Variants in ABCA9 observed in about 807,000 individuals in gnomAD.
ABCA9 encodes ATP-binding cassette sub-family A member 9.
In ABCA9, 183 loss-of-function variants were observed where a neutral mutation model predicts 205.3. That is an observed-to-expected ratio of 0.89 (90% CI 0.79 to 1.01). ABCA9 has a LOEUF of 1.01. ABCA9 is among the 50% of genes least tolerant of loss of function. The pLI, the probability that ABCA9 is intolerant of heterozygous loss-of-function variation, is 0.00. For missense variants in ABCA9, 1,805 were observed against 1,912.4 expected (o/e 0.94, Z 1.05); for synonymous variants, 651 against 683.3 (o/e 0.95, Z 0.74).
intron 25 of ABCA9, 108 bp from the exon 26 acceptor site, chr17:68,996,122 A>T (rs2069616113): frequency 4.3e-6 from 5 of 1,153,836 alleles, no homozygotes; most frequent in Non-Finnish European, 6.1e-6. Flanking sequence ...TTTCAATTTC[A>T]CTCCCCAAAC....
Position 69,035,308 on chromosome 17 carries a change from C to T in ABCA9, c.1066G>A (p.Ala356Thr). 6.2e-7 allele frequency: 1 copy of T among 1,606,892 alleles called. No homozygotes were observed. Among genetic ancestry groups the T allele is most frequent in the Non-Finnish European group, 8.5e-7 (1 of 1,176,394 alleles). The change falls in exon 8 of 39, where the codon GCA becomes ACA. Residue 356 changes from alanine (A) to threonine (T), a missense_variant. By Grantham distance (58) the Ala-to-Thr change is moderately conservative. Transcript: ENST00000340001. ...GFPALYTRLPAFLEWTLCLLS... is the reference protein window; with the variant it reads ...GFPALYTRLPTFLEWTLCLLS... ...AGACACAAAGTCCATTCCAAAAATG[C>T]AGGAAGACGTGTATACAATGCTGGG... is the stretch of plus-strand genomic sequence containing the variant.
At chr17:69,028,687 T>C (rs761916877) in intron 11 of ABCA9, 42 bp from the exon 12 acceptor site, 4 of 1,255,028 alleles carry the variant, frequency 3.2e-6, no homozygotes, top group South Asian at 3.0e-5. Flanking sequence ...AGCCTACATA[T>C]TAACTTTACA....
intron 7 of ABCA9, 83 bp from the exon 8 acceptor site, chr17:69,035,514 T>C: frequency 3.0e-6 from 4 of 1,355,494 alleles, no homozygotes; most frequent in Non-Finnish European, 3.9e-6. Flanking sequence ...TATAAAAGTA[T>C]ATTTTATATT....
rs1202384063 is a variant in ABCA9, at chr17:68,975,079, C to CACTT, written c.*832_*835dup. On this transcript the variant is annotated 3_prime_UTR_variant, in exon 39 of 39. Transcript: ENST00000340001. ...CCATGTATTCTCATTGTTCAATTCC[C>CACTT]ACTTATGAGTGAGAACATGCGGTGT... The CACTT allele has an allele frequency of 1.3e-5, 2 of 152,124 alleles. No homozygotes were observed. The highest frequency in any genetic ancestry group is 4.8e-5 in the African/African-American group (2 of 41,398). The allele number at this position is 152,124 out of a possible 1,614,324, so 9.4% of individuals were successfully genotyped here.
Position 69,029,289 on chromosome 17 carries a change from A to T in ABCA9, c.1446-62T>A, listed in dbSNP as rs2071088522. The T allele has an allele frequency of 4.6e-6, 5 of 1,078,488 alleles. No individual in the cohort carries two copies. The East Asian group carries it at 1.0e-4, about 22-fold the overall frequency. The allele number at this position is 1,078,488 out of a possible 1,614,324, so 66.8% of individuals were successfully genotyped here. ...AAAATGTGCAGAGGATTGATAAGTC[A>T]AGTCTTTGAGGCTTAATCAAAGCCT... On this transcript the variant is annotated intron_variant, in intron 10 of 38. Transcript: ENST00000340001.
Position 68,989,840 on chromosome 17 carries a change from T to G in ABCA9, c.3928A>C (p.Arg1310=). The G allele has an allele frequency of 6.2e-7, 1 of 1,606,120 alleles. No individual in the cohort carries two copies. The highest frequency in any genetic ancestry group is 8.5e-7 in the Non-Finnish European group (1 of 1,172,920). ...TTTTTAACACAAAAAGAGACATTTC[T>G]TGTGGCAATTTTTTTCTTCCTTTTA... ...FSKRKKKIAT[R]NVSFCVKKGE... Residue 1310 remains arginine, a synonymous_variant, in exon 30 of 39, where the codon AGA becomes CGA. Coordinates refer to ENST00000340001, the MANE Select transcript of ABCA9 (RefSeq NM_080283.4).
the ABCA9 span, among the ~76,000 whole-genome samples, chr17:69,073,931 G>A: frequency 1.9e-4 from 29 of 152,154 alleles, no homozygotes; most frequent in African/African-American, 6.0e-4. Context: ...TGAACTCGTG[G>A]TCCCAAGTGA....
chr17:69,027,024 C>CTCT lies in ABCA9; in HGVS notation c.1999_2001dup (p.Arg667dup). 1.2e-6 allele frequency: 2 copies of CTCT among 1,614,148 alleles called. No individual in the cohort carries two copies. Among genetic ancestry groups the CTCT allele is most frequent in the Non-Finnish European group, 1.7e-6 (2 of 1,179,992 alleles). On this transcript the variant is annotated inframe_insertion, in exon 15 of 39. Coordinates refer to ENST00000340001, the MANE Select transcript of ABCA9 (RefSeq NM_080283.4). Reference sequence around the variant, plus strand: ...ATAAACTGGGTGCTGAAGAGAATTACTCTGTCTGATTTCCCCTCTTTCAGG... The same window carrying CTCT: ...ATAAACTGGGTGCTGAAGAGAATTACTCTTCTGTCTGATTTCCCCTCTTTCAGG...
chr17:69,020,155 T>C (rs1223233535), intron 19 of ABCA9, among the ~76,000 whole-genome samples: 1 of 152,178 alleles, frequency 6.6e-6, no homozygotes, highest in African/African-American at 2.4e-5. Flanking sequence ...AACCCATTGG[T>C]AAAAACAAAA....
intron 36 of ABCA9, 72 bp downstream of exon 36, chr17:68,983,637 T>C (rs1050293126): frequency 1.9e-6 from 3 of 1,573,472 alleles, no homozygotes; most frequent in Non-Finnish European, 2.6e-6. Flanking sequence ...ATAAAGCTCT[T>C]ATTCCGTCAT....
chr17:69,059,195 T>G (rs1452810760), intron 1 of ABCA9, among the ~76,000 whole-genome samples: 1 of 152,062 alleles, frequency 6.6e-6, no homozygotes, highest in African/African-American at 2.4e-5. Context: ...AAGGCATAGT[T>G]GAAGAGAAAT....
At position 69,060,862 on chromosome 17, in the gene ABCA9, T is replaced by C; in HGVS notation, c.-14+4A>G. 1 of 985,418 alleles carries C rather than the reference T, an allele frequency of 1.0e-6. No homozygotes were observed. Among genetic ancestry groups the C allele is most frequent in the Non-Finnish European group, 1.2e-6 (1 of 829,912 alleles). The allele number at this position is 985,418 out of a possible 1,614,324, so 61.0% of individuals were successfully genotyped here. ...AATAACCACAATTTTAGAGGTTAAC[T>C]TACTCTCAGGAAAGCTGGAGGAAAA... On this transcript the variant is annotated splice_donor_region_variant and intron_variant, in intron 1 of 38. Transcript: ENST00000340001.
In ABCA9 at chr17:69,016,376, T is replaced by C; in HGVS notation, c.2916A>G (p.Ser972=). 1.3e-6 allele frequency: 2 copies of C among 1,584,366 alleles called. No homozygotes were observed. The highest frequency in any genetic ancestry group is 3.8e-5 in the Admixed American group (2 of 52,706). The change falls in exon 22 of 39, where the codon TCA becomes TCG. Residue 972 remains serine, a synonymous_variant. Transcript: ENST00000340001. ...TCAGCCGTTTTGTATTACATGCTATTGAAAATCTGTGATCCTGAAATACAA... is the reference window on the plus strand; with the variant it reads ...TCAGCCGTTTTGTATTACATGCTATCGAAAATCTGTGATCCTGAAATACAA... The part of the protein sequence containing the change: ...VSGDEKDHRF[S]IACNTKRLNC...
intron 25 of ABCA9, among the ~76,000 whole-genome samples, chr17:69,000,208 A>G (rs910646625): frequency 2.8e-4 from 43 of 152,020 alleles, no homozygotes; most frequent in Non-Finnish European, 4.6e-4. Context: ...GCCCATGCCT[A>G]TGTCCTGAAT....
intron 17 of ABCA9, chr17:69,022,350 A>G (rs185955590): frequency 1.3e-5 from 2 of 150,526 alleles, no homozygotes; most frequent in Non-Finnish European, 3.0e-5. Flanking sequence ...TTTGAGACAG[A>G]GTCTTGCTTT....
chr17:68,993,213 T>G (rs1293236093), intron 26 of ABCA9, 129 bp from the exon 27 acceptor site: 1 of 719,982 alleles, frequency 1.4e-6, no homozygotes, highest in African/African-American at 1.8e-5. Flanking sequence ...CCCTTGGGTA[T>G]CATGTAAAAG....
rs555357557 is a variant in ABCA9, at chr17:69,023,886, C to T, written c.2281+328G>A. On this transcript the variant is annotated intron_variant, in intron 17 of 38. Coordinates refer to ENST00000340001, the MANE Select transcript of ABCA9 (RefSeq NM_080283.4). This position sits in a 1 kb window ranked among gnomAD's most constrained non-coding sequence, Gnocchi z 4.2. ...CTGCCACTGTATTTATATACCTGTT[C>T]CTGCCCTGACCACACTCTCTCATTC... 3.9e-5 allele frequency among the ~76,000 whole-genome samples: 6 copies of T among 152,054 alleles called. No individual in the cohort carries two copies. The South Asian group carries it at 1.0e-3, about 26-fold the overall frequency.
In ABCA9 at chr17:69,027,238, C is replaced by T. The variant is rs924719932; in HGVS notation, c.1911+92G>A. Reference sequence around the variant, plus strand: ...TACTTAATATTTCATCCTAAAAGTTCTCTTACATTTATCATTTGAAAATTG... The same window carrying T: ...TACTTAATATTTCATCCTAAAAGTTTTCTTACATTTATCATTTGAAAATTG... On this transcript the variant is annotated intron_variant, in intron 14 of 38. Transcript: ENST00000340001. The T allele has an allele frequency of 1.2e-5, 19 of 1,561,790 alleles. No homozygotes were observed. In the African/African-American group the frequency reaches 2.1e-4, roughly 17 times the overall value.
At chr17:69,026,538 T>C in intron 15 of ABCA9, 71 bp from the exon 16 acceptor site, 1 of 1,294,150 alleles carries the variant, frequency 7.7e-7, no homozygotes, top group Non-Finnish European at 1.1e-6. Flanking sequence ...AACACAAATC[T>C]ATTAACAATG....
Sources: allele counts gnomAD v4.1 joint callset (sites outside exome capture counted in the v4.1 genomes callset), GRCh38; gene constraint gnomAD v4.1.1; non-coding constraint Gnocchi (gnomAD v3.1); transcripts MANE v1.5; gene names NCBI Gene and HGNC (gene_info 2026-07-23, HGNC 2026-07-21).